Variants in MARK4 observed in about 807,000 individuals in gnomAD.
MARK4 encodes microtubule affinity regulating kinase 4, also known as MAP/microtubule affinity-regulating kinase 4.
MARK4 carries 19 observed loss-of-function variants against 81.5 expected under a neutral mutation model. The ratio of observed to expected loss-of-function variants is 0.23; its 90% confidence interval spans 0.16 to 0.34. The LOEUF (loss-of-function observed/expected upper bound fraction) is 0.34. MARK4 is among the 10% of genes least tolerant of loss of function. The pLI is 1.00. For missense variants in MARK4, 772 were observed against 1,058.8 expected (o/e 0.73, Z 3.76); for synonymous variants, 436 against 439.0 (o/e 0.99, Z 0.08).
rs1023954079 is a variant in MARK4, at chr19:45,271,923, T to C, written c.786+215T>C. Among the ~76,000 whole-genome samples, 6 of 152,208 alleles carry C rather than the reference T, an allele frequency of 3.9e-5. No individual in the cohort carries two copies. The highest frequency in any genetic ancestry group is 1.4e-4 in the African/African-American group (6 of 41,456). ...TTAAGGGCATGATCTTTGCAGCTGA[T>C]AGGCTTGAGTTCAAATCCTGACTCA... On this transcript the variant is annotated intron_variant, in intron 8 of 16. Transcript: ENST00000262891. The surrounding 1 kb of genome is among the most constrained non-coding windows in gnomAD (Gnocchi z 4.1).
chr19:45,263,287 TCTC>T (rs1046130937), intron 3 of MARK4, 29 bp from the exon 4 acceptor site: 1 of 1,613,992 alleles, frequency 6.2e-7, no homozygotes, highest in African/African-American at 1.3e-5. Context: ...CCACCCTCAC[TCTC>T]CTCTGTCTTC....
chr19:45,299,680 C>T (rs1970941255), intron 15 of MARK4, 131 bp from the exon 16 acceptor site: 8 of 659,132 alleles, frequency 1.2e-5, no homozygotes, highest in Non-Finnish European at 1.9e-5. Flanking sequence ...CAAATCCTGA[C>T]TCCAGGCCCT....
chr19:45,293,018 A>C (rs1029806981), intron 13 of MARK4, among the ~76,000 whole-genome samples: 12 of 152,216 alleles, frequency 7.9e-5, no homozygotes, highest in Non-Finnish European at 1.6e-4. Flanking sequence ...CTGTAATCCC[A>C]GCACTTTGGG....
chr19:45,272,472 A>G (rs1335960345), intron 8 of MARK4, among the ~76,000 whole-genome samples: 7 of 152,236 alleles, frequency 4.6e-5, no homozygotes, highest in African/African-American at 1.4e-4. Context: ...TGTCCAGAAT[A>G]GGCAAATCCA....
chr19:45,272,874 C>G (rs1373939958), intron 8 of MARK4, among the ~76,000 whole-genome samples: 4 of 152,028 alleles, frequency 2.6e-5, no homozygotes, highest in Non-Finnish European at 4.4e-5. Context: ...GGCGACAGAG[C>G]GAGACTCTGT....
chr19:45,256,310 G>A (rs559734187), intron 1 of MARK4, among the ~76,000 whole-genome samples: 1 of 152,312 alleles, frequency 6.6e-6, no homozygotes, highest in Admixed American at 6.5e-5. Context: ...GGTGGCACAT[G>A]CCTGTAATCC....
chr19:45,259,054 T>C lies in MARK4; in HGVS notation c.117T>C (p.Gly39=). 2 of 1,613,966 alleles carry C rather than the reference T, an allele frequency of 1.2e-6. No individual in the cohort carries two copies. Among genetic ancestry groups the C allele is most frequent in the Non-Finnish European group, 1.7e-6 (2 of 1,180,024 alleles). ...KGPSWSSRSL[G]ARCRNSIASC... Reference sequence around the variant, plus strand: ...CGTCCTGGTCCAGCCGCTCACTGGGTGCCCGTTGCCGGAACTCCATCGCCT... The same window carrying C: ...CGTCCTGGTCCAGCCGCTCACTGGGCGCCCGTTGCCGGAACTCCATCGCCT... Residue 39 remains glycine (G), a synonymous_variant, in exon 2 of 17, where the codon GGT becomes GGC. Coordinates refer to ENST00000262891, the MANE Select transcript of MARK4 (RefSeq NM_001199867.2).
At chr19:45,294,572 T>C (rs1161181068) in intron 14 of MARK4, 120 bp downstream of exon 14, 1 of 837,400 alleles carries the variant, frequency 1.2e-6, no homozygotes, top group Non-Finnish European at 1.9e-6. Context: ...AGAGTGAGTG[T>C]ATCTGCCCTG....
chr19:45,294,505 C>T, intron 14 of MARK4, 53 bp downstream of exon 14: 1 of 1,463,604 alleles, frequency 6.8e-7, no homozygotes, highest in East Asian at 2.3e-5. Flanking sequence ...GGTAGGTGAA[C>T]AGGACCTCCC....
In MARK4 at chr19:45,259,131, T is replaced by A; in HGVS notation, c.194T>A (p.Ile65Asn). 6.2e-7 allele frequency: 1 copy of A among 1,614,076 alleles called. No homozygotes were observed. The highest frequency in any genetic ancestry group is 8.5e-7 in the Non-Finnish European group (1 of 1,179,998). The change falls in exon 2 of 17, where the codon ATT becomes AAT. Residue 65 changes from isoleucine (I) to asparagine (N), a missense_variant. Ile to Asn is a moderately radical substitution (Grantham distance 149). Around this residue, in one of 3 missense-constraint regions of MARK4, gnomAD observed 115 missense variants for 139.8 expected, o/e 0.82. Coordinates refer to ENST00000262891, the MANE Select transcript of MARK4 (RefSeq NM_001199867.2). Reference protein sequence around the residue: ...HVGNYRLLRTIGKGNFAKVKL... With the variant: ...HVGNYRLLRTNGKGNFAKVKL... ...GGCAACTACCGCCTGCTGAGGACCA[T>A]TGGGAAGGGCAACTTTGCCAAAGTC...
intron 12 of MARK4, among the ~76,000 whole-genome samples, chr19:45,286,264 C>G (rs1484108115): frequency 2.0e-5 from 3 of 151,906 alleles, no homozygotes; most frequent in African/African-American, 4.8e-5. Flanking sequence ...CCATGTTAGC[C>G]AGGCTGGTCT....
At chr19:45,278,745 A>G in intron 10 of MARK4, 130 bp downstream of exon 10, 2 of 688,924 alleles carry the variant, frequency 2.9e-6, no homozygotes, top group Non-Finnish European at 2.5e-6. Context: ...CTGGGACCAC[A>G]GGCGCCTGCC....
Position 45,280,402 on chromosome 19 carries a change from G to A in MARK4, c.1035G>A (p.Arg345=). The change falls in exon 11 of 17, where the codon CGG becomes CGA. Residue 345 remains arginine (R), a synonymous_variant. Transcript: ENST00000262891. ...TGATGGTGGGTATGGGCTACACACG[G>A]GAAGAAATCAAAGAGTCCTTGACCA... ...IEVMVGMGYT[R]EEIKESLTSQ... The A allele has an allele frequency of 6.2e-6, 10 of 1,614,170 alleles. No homozygotes were observed. The highest frequency in any genetic ancestry group is 1.3e-5 in the African/African-American group (1 of 75,056).
chr19:45,280,501 G>A lies in MARK4; in HGVS notation c.1116+18G>A. ...AGACTGAGGTCAGGGGGCGCCAGGG[G>A]CCCTTGGGGACGCGTGATGCCTGGG... On this transcript the variant is annotated intron_variant, in intron 11 of 16. Coordinates refer to ENST00000262891, the MANE Select transcript of MARK4 (RefSeq NM_001199867.2). 1.2e-6 allele frequency: 2 copies of A among 1,614,096 alleles called. No homozygotes were observed. Among genetic ancestry groups the A allele is most frequent in the Non-Finnish European group, 1.7e-6 (2 of 1,179,972 alleles).
At chr19:45,261,126 A>G (rs1302479906) in intron 2 of MARK4, among the ~76,000 whole-genome samples, 1 of 152,102 alleles carries the variant, frequency 6.6e-6, no homozygotes, top group African/African-American at 2.4e-5. Flanking sequence ...CCGGGCCCCG[A>G]TGGTCTTACA....
intron 12 of MARK4, among the ~76,000 whole-genome samples, chr19:45,285,781 A>G (rs1433028240): frequency 1.3e-5 from 2 of 152,066 alleles, no homozygotes; most frequent in East Asian, 1.9e-4. Context: ...TGGTTCTGGG[A>G]CTTCTGAGCA....
chr19:45,285,610 C>T (rs946661079), intron 12 of MARK4, among the ~76,000 whole-genome samples: 4 of 150,196 alleles, frequency 2.7e-5, no homozygotes, highest in African/African-American at 1.0e-4. Context: ...CAGGGCGTGC[C>T]CAGAAAGTTC....
chr19:45,276,638 T>C (rs1340151196), intron 8 of MARK4, among the ~76,000 whole-genome samples: 1 of 150,088 alleles, frequency 6.7e-6, no homozygotes, highest in Non-Finnish European at 1.5e-5. Context: ...TTTTTTTTTT[T>C]TTTTTGAGAT....
At position 45,271,660 on chromosome 19, in the gene MARK4, G is replaced by A. The variant is rs761653129; in HGVS notation, c.738G>A (p.Leu246=). ...ACATCTGGAGCCTGGGAGTCATCCTGTACACCCTCGTCAGCGGCTCCCTGC... is the reference window on the plus strand; with the variant it reads ...ACATCTGGAGCCTGGGAGTCATCCTATACACCCTCGTCAGCGGCTCCCTGC... ...EVDIWSLGVI[L]YTLVSGSLPF... Residue 246 remains leucine, a synonymous_variant, in exon 8 of 17, where the codon CTG becomes CTA. Coordinates refer to ENST00000262891, the MANE Select transcript of MARK4 (RefSeq NM_001199867.2). The surrounding 1 kb of genome is among the most constrained non-coding windows in gnomAD (Gnocchi z 4.1). 4.3e-6 allele frequency: 7 copies of A among 1,613,990 alleles called. No homozygotes were observed. In the African/African-American group the frequency reaches 5.3e-5, roughly 12 times the overall value.
Sources: allele counts gnomAD v4.1 joint callset (sites outside exome capture counted in the v4.1 genomes callset), GRCh38; gene constraint gnomAD v4.1.1; regional missense constraint gnomAD v4.1.1; non-coding constraint Gnocchi (gnomAD v3.1); transcripts MANE v1.5; gene names NCBI Gene and HGNC (gene_info 2026-07-23, HGNC 2026-07-21).